Variants in ANK2 observed in about 807,000 individuals in gnomAD.
ANK2 encodes ankyrin 2.
In ANK2, 83 loss-of-function variants were observed where a neutral mutation model predicts 360.5. The observed-to-expected ratio is 0.23, with a 90% CI of 0.19 to 0.28. ANK2 has a LOEUF of 0.28. Among genes scored for constraint, ANK2 ranks in the 10% least tolerant of loss-of-function variants. The pLI, the probability that ANK2 is intolerant of heterozygous loss-of-function variation, is 1.00. For missense variants in ANK2, 4,201 were observed against 4,795.7 expected (o/e 0.88, Z 3.66); for synonymous variants, 1,740 against 1,759.5 (o/e 0.99, Z 0.28).
chr4:112,723,060 AACTAAGT>A, the ANK2 span, among the ~76,000 whole-genome samples: 2 of 152,178 alleles, frequency 1.3e-5, no homozygotes, highest in African/African-American at 2.4e-5. Context: ...CATCCAACGA[AACTAAGT>A]TTTGGTTGGG....
At chr4:113,174,225 C>T (rs1404374596) in intron 1 of ANK2, among the ~76,000 whole-genome samples, 191 bp from the exon 2 acceptor site, 1 of 152,194 alleles carries the variant, frequency 6.6e-6, no homozygotes, top group East Asian at 1.9e-4. Flanking sequence ...TGTACTTAGA[C>T]AACTCTCTAG....
the ANK2 span, among the ~76,000 whole-genome samples, chr4:112,771,211 C>T: frequency 2.0e-5 from 3 of 152,226 alleles, no homozygotes; most frequent in Admixed American, 2.0e-4. Context: ...CTCCCGGGTT[C>T]AAGCGAATCT....
the ANK2 span, among the ~76,000 whole-genome samples, chr4:112,781,921 C>T: frequency 6.7e-6 from 1 of 150,088 alleles, no homozygotes; most frequent in African/African-American, 2.5e-5. Context: ...CCTCTACCTC[C>T]AGGGTTCAAG....
At chr4:113,088,611 G>A (rs867231927) in intron 1 of ANK2, among the ~76,000 whole-genome samples, 1 of 151,522 alleles carries the variant, frequency 6.6e-6, no homozygotes, top group Non-Finnish European at 1.5e-5. Flanking sequence ...TTTACAAAAT[G>A]TTATTTAGAA....
At chr4:113,223,421 G>C (rs2153500852) in intron 4 of ANK2, among the ~76,000 whole-genome samples, 1 of 152,230 alleles carries the variant, frequency 6.6e-6, no homozygotes, top group African/African-American at 2.4e-5. Context: ...ATTTCCTACT[G>C]TTGGACTTGG....
At chr4:113,361,722 A>T (rs1300271653) in intron 39 of ANK2, among the ~76,000 whole-genome samples, 1 of 152,056 alleles carries the variant, frequency 6.6e-6, no homozygotes, top group Admixed American at 6.6e-5. Flanking sequence ...AATAATTTTA[A>T]AGTAATTCTT....
chr4:113,187,240 C>T (rs1195316934), intron 2 of ANK2, among the ~76,000 whole-genome samples: 1 of 152,100 alleles, frequency 6.6e-6, no homozygotes, highest in African/African-American at 2.4e-5. Context: ...GTGATATTTC[C>T]TTTGAGGAAT....
rs1177164042 is a variant in ANK2 at position 112,859,469 on chromosome 4, A to G, written c.-40+41205A>G. Among the ~76,000 whole-genome samples the G allele has an allele frequency of 2.6e-5, 4 of 152,202 alleles. No homozygotes were observed. In the East Asian group the frequency reaches 7.7e-4, roughly 29 times the overall value. Reference sequence around the variant, plus strand: ...AGAGGAGCTGAGCCCAGTTAGGTGTATGTTTTACTGATCTACCTGGTCTCT... The same window carrying G: ...AGAGGAGCTGAGCCCAGTTAGGTGTGTGTTTTACTGATCTACCTGGTCTCT... On this transcript the variant is annotated intron_variant, in intron 1 of 30. Transcript: ENST00000503271.
At chr4:112,806,728 G>A in the ANK2 span, among the ~76,000 whole-genome samples, 1 of 152,158 alleles carries the variant, frequency 6.6e-6, no homozygotes, top group African/African-American at 2.4e-5. Flanking sequence ...ACTTGGGGAG[G>A]CTGAGGTGGG....
the ANK2 span, among the ~76,000 whole-genome samples, chr4:112,787,800 C>T: frequency 2.7e-4 from 41 of 152,160 alleles, no homozygotes; most frequent in Non-Finnish European, 5.1e-4. Context: ...TCTGGAGCAT[C>T]TCACCTCCCT....
upstream of ANK2, among the ~76,000 whole-genome samples, chr4:112,814,648 A>G (rs914782300): frequency 2.0e-5 from 3 of 152,062 alleles, no homozygotes; most frequent in African/African-American, 7.2e-5. Context: ...GGGTTTCGCC[A>G]TGTTGCTCAG....
At chr4:113,004,698 T>C (rs772161742) in intron 2 of ANK2, among the ~76,000 whole-genome samples, 32 of 152,250 alleles carry the variant, frequency 2.1e-4, no homozygotes, top group South Asian at 2.1e-4. Context: ...TAGTAGTTTA[T>C]TATCAAGTTT....
intron 26 of ANK2, among the ~76,000 whole-genome samples, chr4:113,319,453 T>C (rs1003042338): frequency 6.6e-6 from 1 of 151,634 alleles, no homozygotes; most frequent in East Asian, 1.9e-4. Context: ...ATGCTATATA[T>C]CAAAATGCAA....
intron 23 of ANK2, among the ~76,000 whole-genome samples, chr4:113,308,907 G>C (rs2078513268): frequency 1.3e-5 from 2 of 152,116 alleles, no homozygotes; most frequent in Admixed American, 1.3e-4. Flanking sequence ...TTGGAGGCAG[G>C]GATGGGCCAG....
chr4:113,097,801 C>T (rs1187465138), intron 1 of ANK2, among the ~76,000 whole-genome samples: 1 of 149,692 alleles, frequency 6.7e-6, no homozygotes, highest in Admixed American at 6.6e-5. Flanking sequence ...AAAGTAAAAA[C>T]CCAAAATAGC....
At chr4:113,291,868 G>A (rs868108287) in intron 20 of ANK2, among the ~76,000 whole-genome samples, 1 of 152,148 alleles carries the variant, frequency 6.6e-6, no homozygotes, top group Non-Finnish European at 1.5e-5. Context: ...GGGGAGAAAA[G>A]CTGTTCTTGG....
chr4:112,753,481 G>A, the ANK2 span, among the ~76,000 whole-genome samples: 2 of 152,168 alleles, frequency 1.3e-5, no homozygotes, highest in African/African-American at 4.8e-5. Flanking sequence ...ACTCCATCTT[G>A]AACAGGCGCT....
At chr4:113,372,235 G>T (rs929742282) in intron 43 of ANK2, among the ~76,000 whole-genome samples, 9 of 152,206 alleles carry the variant, frequency 5.9e-5, no homozygotes, top group South Asian at 2.1e-4. Flanking sequence ...TTAAGTAAAA[G>T]AAGTCACATG....
rs188750359 is a variant in ANK2, at chr4:113,002,995, T to C, written c.21+98481T>C. On this transcript the variant is annotated intron_variant, in intron 2 of 30. Transcript: ENST00000503271. Reference sequence around the variant, plus strand: ...TCATCCTTCAGGTGACATTCTCTTATGCAACCATCTGCCATGGGTTCACTC... The same window carrying C: ...TCATCCTTCAGGTGACATTCTCTTACGCAACCATCTGCCATGGGTTCACTC... Among the ~76,000 whole-genome samples the C allele has an allele frequency of 4.9e-3, 750 of 152,352 alleles. 25 individuals are homozygous for C. The highest frequency in any genetic ancestry group is 0.046 in the Admixed American group (700 of 15,300).
Sources: allele counts gnomAD v4.1 joint callset (sites outside exome capture counted in the v4.1 genomes callset), GRCh38; gene constraint gnomAD v4.1.1; transcripts MANE v1.5; gene names NCBI Gene and HGNC (gene_info 2026-07-23, HGNC 2026-07-21).